The following PPP2R2A variants were observed in gnomAD, a reference collection of about 807,000 sequenced individuals.
PPP2R2A encodes the protein protein phosphatase 2 regulatory subunit Balpha, also known as serine/threonine-protein phosphatase 2A 55 kDa regulatory subunit B alpha isoform.
Under a neutral mutation model 53.2 loss-of-function variants are expected in PPP2R2A, and 9 were observed. The observed-to-expected ratio is 0.17, with a 90% CI of 0.10 to 0.30. The LOEUF is 0.30. Ranked by LOEUF, PPP2R2A falls within the 10% of genes least tolerant of loss-of-function variation. PPP2R2A has a pLI of 1.00. For missense variants in PPP2R2A, 235 were observed against 534.6 expected (o/e 0.44, Z 5.53); for synonymous variants, 169 against 174.2 (o/e 0.97, Z 0.23).
intron 8 of PPP2R2A, 174 bp from the exon 9 acceptor site, chr8:26,366,141 T>TTG: frequency 1.8e-6 from 1 of 551,200 alleles, no homozygotes; most frequent in Non-Finnish European, 3.1e-6. Flanking sequence ...CCTGAAGGGC[T>TTG]TGTGTGTTTT....
chr8:26,311,640 A>C (rs1227312734), intron 2 of PPP2R2A, among the ~76,000 whole-genome samples: 2 of 152,216 alleles, frequency 1.3e-5, no homozygotes, highest in Non-Finnish European at 2.9e-5. Context: ...GTGAACAACC[A>C]CTGCACTCCA....
intron 2 of PPP2R2A, among the ~76,000 whole-genome samples, chr8:26,307,092 T>G (rs1378033681): frequency 6.6e-6 from 1 of 152,220 alleles, no homozygotes; most frequent in East Asian, 1.9e-4. Context: ...AAAGAGGATC[T>G]GATGAGTTGC....
intron 3 of PPP2R2A, among the ~76,000 whole-genome samples, chr8:26,343,445 C>T (rs905469847): frequency 6.6e-6 from 1 of 151,056 alleles, no homozygotes; most frequent in African/African-American, 2.4e-5. Flanking sequence ...GATCTCAGCT[C>T]ACTGCAGCCT....
chr8:26,360,353 G>A lies in PPP2R2A; in HGVS notation c.459+72G>A. The A allele has an allele frequency of 3.7e-6, 3 of 820,160 alleles. No individual in the cohort carries two copies. The highest frequency in any genetic ancestry group is 5.9e-6 in the Non-Finnish European group (3 of 511,786). 50.8% of individuals were successfully genotyped at this position (820,160 alleles called of 1,614,324 possible). A position where few individuals can be genotyped will look rare whatever the true frequency, so the allele number is the denominator to read the frequency against. On this transcript the variant is annotated intron_variant, in intron 5 of 9. Coordinates refer to ENST00000380737, the MANE Select transcript of PPP2R2A (RefSeq NM_002717.4). The surrounding 1 kb of genome is among the most constrained non-coding windows in gnomAD (Gnocchi z 4.5). ...TTATATAGCCCAAATCCTGAGCAGA[G>A]CTTGAATAGGAATAATTACAGTCTA...
intron 3 of PPP2R2A, among the ~76,000 whole-genome samples, chr8:26,345,332 ATTC>A (rs2117348821): frequency 1.3e-5 from 2 of 152,260 alleles, no homozygotes; most frequent in South Asian, 4.1e-4. Flanking sequence ...ATTTCATTGT[ATTC>A]TTATTATTAA....
intron 2 of PPP2R2A, among the ~76,000 whole-genome samples, chr8:26,306,998 A>G (rs1025515626): frequency 6.6e-6 from 1 of 152,214 alleles, no homozygotes; most frequent in Admixed American, 6.5e-5. Context: ...TTAACAGCGC[A>G]TCTTTATCAT....
intron 9 of PPP2R2A, among the ~76,000 whole-genome samples, chr8:26,367,536 G>T (rs1368960294): frequency 6.6e-6 from 1 of 152,142 alleles, no homozygotes; most frequent in African/African-American, 2.4e-5. Context: ...GGCTGGCCTT[G>T]ACCCAGGTTC....
intron 2 of PPP2R2A, among the ~76,000 whole-genome samples, chr8:26,314,304 T>C (rs552326183): frequency 2.0e-5 from 3 of 152,324 alleles, no homozygotes; most frequent in African/African-American, 7.2e-5. Context: ...TTAAGCTCTA[T>C]CCCTCCAACC....
chr8:26,351,229 G>A (rs982129756), intron 3 of PPP2R2A, among the ~76,000 whole-genome samples: 31 of 151,860 alleles, frequency 2.0e-4, no homozygotes, highest in African/African-American at 6.0e-4. Context: ...TGTATGACTG[G>A]TACTGTAGCT....
chr8:26,353,067 A>G (rs569949593), intron 3 of PPP2R2A, among the ~76,000 whole-genome samples: 5 of 152,294 alleles, frequency 3.3e-5, no homozygotes, highest in Admixed American at 6.5e-5. Flanking sequence ...CTTGTAGACT[A>G]TAATGATAAA....
intron 1 of PPP2R2A, chr8:26,292,203 G>A: frequency 1.8e-6 from 2 of 1,110,642 alleles, no homozygotes; most frequent in Non-Finnish European, 2.2e-6. Flanking sequence ...TTTTCCTGCA[G>A]GTCTTCATTT....
At chr8:26,342,504 GT>G (rs1406645255) in intron 3 of PPP2R2A, among the ~76,000 whole-genome samples, 1 of 152,126 alleles carries the variant, frequency 6.6e-6, no homozygotes, top group African/African-American at 2.4e-5. Context: ...AAAGTAGCTG[GT>G]TTCCTACTGA....
At chr8:26,296,006 C>G (rs764877775) in intron 2 of PPP2R2A, among the ~76,000 whole-genome samples, 32 of 151,964 alleles carry the variant, frequency 2.1e-4, no homozygotes, top group Non-Finnish European at 3.4e-4. Context: ...TGATTGTCTC[C>G]ATATTGCCTG....
intron 2 of PPP2R2A, among the ~76,000 whole-genome samples, chr8:26,336,998 G>T (rs1011035197): frequency 6.6e-6 from 1 of 152,038 alleles, no homozygotes; most frequent in Non-Finnish European, 1.5e-5. Flanking sequence ...AGTGATAGTT[G>T]TAACAGCTCA....
chr8:26,346,195 C>G (rs1804207741), intron 3 of PPP2R2A, among the ~76,000 whole-genome samples: 1 of 151,670 alleles, frequency 6.6e-6, no homozygotes, highest in South Asian at 2.1e-4. Flanking sequence ...GGCTGGAGTA[C>G]AGTGGCATGA....
intron 4 of PPP2R2A, among the ~76,000 whole-genome samples, chr8:26,356,760 A>G (rs1804801491): frequency 6.6e-6 from 1 of 152,168 alleles, no homozygotes; most frequent in Non-Finnish European, 1.5e-5. Flanking sequence ...CTTTCTTATA[A>G]AGAGAACTTT....
intron 2 of PPP2R2A, among the ~76,000 whole-genome samples, chr8:26,307,683 T>G (rs1457280678): frequency 6.6e-6 from 1 of 152,252 alleles, no homozygotes; most frequent in African/African-American, 2.4e-5. Context: ...CAACTTTGAT[T>G]ATAAATGTCT....
intron 2 of PPP2R2A, among the ~76,000 whole-genome samples, chr8:26,322,693 A>G (rs1050561501): frequency 2.0e-5 from 3 of 152,212 alleles, no homozygotes; most frequent in Non-Finnish European, 4.4e-5. Flanking sequence ...GTTTCCCAGA[A>G]CAACCCAAAA....
At chr8:26,292,914 G>C (rs1801371107) in intron 1 of PPP2R2A, among the ~76,000 whole-genome samples, 1 of 152,194 alleles carries the variant, frequency 6.6e-6, no homozygotes, top group Non-Finnish European at 1.5e-5. Context: ...TTTTGAAAAA[G>C]TTAACATGTC....
Sources: gnomAD v4.1 joint callset for allele counts (sites outside exome capture counted in the v4.1 genomes callset) on GRCh38, gnomAD v4.1.1 for gene constraint, Gnocchi (gnomAD v3.1) non-coding constraint, MANE v1.5 for transcripts, NCBI Gene and HGNC (gene_info 2026-07-23, HGNC 2026-07-21) for gene names.